Variants in DUS2 observed in about 807,000 individuals in gnomAD.
The protein encoded by DUS2 is dihydrouridine synthase 2, also known as tRNA-dihydrouridine(20) synthase [NAD(P)+]-like.
A neutral mutation model predicts 71.3 loss-of-function variants in DUS2; 52 were observed. That is an observed-to-expected ratio of 0.73 (90% confidence interval 0.58 to 0.92). The LOEUF is 0.92. Ranked by LOEUF, DUS2 falls within the 40% of genes least tolerant of loss-of-function variation. The pLI is 0.00. For synonymous variants in DUS2, 204 were observed against 227.8 expected (o/e 0.90, Z 0.94); for missense variants, 558 against 622.6 (o/e 0.90, Z 1.10).
chr16:68,061,004 C>G, intron 7 of DUS2, 62 bp from the exon 8 acceptor site: 1 of 1,547,858 alleles, frequency 6.5e-7, no homozygotes, highest in South Asian at 1.1e-5. Context: ...CAGACCCCAT[C>G]CCATGGAGAG....
chr16:68,033,352 T>C (rs1171180259), intron 2 of DUS2, among the ~76,000 whole-genome samples: 2 of 152,134 alleles, frequency 1.3e-5, no homozygotes, highest in African/African-American at 4.8e-5. Flanking sequence ...GAATGAGTAA[T>C]TGGGAGACTG....
chr16:68,042,757 G>A (rs535843080), intron 3 of DUS2, among the ~76,000 whole-genome samples: 4 of 151,866 alleles, frequency 2.6e-5, no homozygotes, highest in African/African-American at 9.7e-5. Flanking sequence ...CGCCCAGACT[G>A]GAGTGCCATG....
chr16:68,073,997 C>T, intron 12 of DUS2, 37 bp from the exon 13 acceptor site: 1 of 1,612,490 alleles, frequency 6.2e-7, no homozygotes, highest in South Asian at 1.1e-5. Context: ...GGCCTTAGAG[C>T]CTGCCTGGGC....
intron 13 of DUS2, among the ~76,000 whole-genome samples, chr16:68,074,546 C>T (rs532135259): frequency 6.6e-6 from 1 of 152,340 alleles, no homozygotes; most frequent in African/African-American, 2.4e-5. Context: ...CCTGTTGATT[C>T]TCTAGATCAG....
At chr16:68,078,214 G>A in intron 15 of DUS2, 1 of 566,928 alleles carries the variant, frequency 1.8e-6, no homozygotes, top group African/African-American at 1.9e-5. Flanking sequence ...GCAGCTAAGG[G>A]CTCTGCTGCG....
At chr16:68,067,743 T>G (rs908788497) in intron 10 of DUS2, among the ~76,000 whole-genome samples, 1 of 152,126 alleles carries the variant, frequency 6.6e-6, no homozygotes, top group Non-Finnish European at 1.5e-5. Context: ...CACTGCAGCC[T>G]CAAACTCCTG....
In DUS2 at chr16:68,066,332, G is replaced by A. The variant is rs2034004292; in HGVS notation, c.433G>A (p.Val145Ile). 12 of 1,614,226 alleles carry A rather than the reference G, an allele frequency of 7.4e-6. No individual in the cohort carries two copies. Among genetic ancestry groups the A allele is most frequent in the Admixed American group, 1.7e-5 (1 of 60,024 alleles). The change falls in exon 9 of 17, where the codon GTT becomes ATT. Residue 145 changes from valine to isoleucine, a missense_variant. Transcript: ENST00000565263. Reference protein sequence around the residue: ...DKIEKILSTLVKGTRRPVTCK... With the variant: ...DKIEKILSTLIKGTRRPVTCK... Reference sequence around the variant, plus strand: ...CTTTCTGCAGATCCTCAGCACTCTTGTTAAAGGGACACGCAGACCTGTGAC... The same window carrying A: ...CTTTCTGCAGATCCTCAGCACTCTTATTAAAGGGACACGCAGACCTGTGAC...
chr16:68,070,385 C>T (rs549616998), intron 11 of DUS2, among the ~76,000 whole-genome samples, 165 bp downstream of exon 11: 1 of 152,336 alleles, frequency 6.6e-6, no homozygotes, highest in African/African-American at 2.4e-5. Context: ...ACCTGAGACC[C>T]TCCCCTCTGC....
intron 12 of DUS2, among the ~76,000 whole-genome samples, chr16:68,071,841 G>C (rs1226388932): frequency 6.6e-6 from 1 of 152,114 alleles, no homozygotes. Flanking sequence ...GTCTCCCTAT[G>C]TTGCCCAGGC....
At chr16:68,053,518 C>T (rs370737783) in intron 4 of DUS2, 46 bp from the exon 5 acceptor site, 8 of 1,592,750 alleles carry the variant, frequency 5.0e-6, no homozygotes, top group Non-Finnish European at 6.0e-6. Flanking sequence ...TAGCGTTGAA[C>T]TTGCATCTTC....
intron 2 of DUS2, among the ~76,000 whole-genome samples, chr16:68,028,402 A>G (rs2033387722): frequency 6.6e-6 from 1 of 152,014 alleles, no homozygotes; most frequent in African/African-American, 2.4e-5. Flanking sequence ...TTGGGAGGCC[A>G]AGGCGGGTGA....
chr16:68,031,258 G>A (rs1233614378), intron 2 of DUS2, among the ~76,000 whole-genome samples: 1 of 151,976 alleles, frequency 6.6e-6, no homozygotes, highest in Non-Finnish European at 1.5e-5. Flanking sequence ...TCTGCCTCCC[G>A]GGTTCAAGCG....
rs542746117 is a variant in DUS2 at position 68,033,773 on chromosome 16, A to G, written c.-18-4233A>G. On this transcript the variant is annotated intron_variant, in intron 2 of 16. Transcript: ENST00000565263. Reference sequence around the variant, plus strand: ...CAGCCTCCTGAGTAGCTGGGATTACAGGCGCATGCCACCACGTCTGGCTAA... The same window carrying G: ...CAGCCTCCTGAGTAGCTGGGATTACGGGCGCATGCCACCACGTCTGGCTAA... Among the ~76,000 whole-genome samples, 9 of 151,594 alleles carry G rather than the reference A, an allele frequency of 5.9e-5. No homozygotes were observed. The South Asian group carries it at 1.9e-3, about 32-fold the overall frequency.
intron 7 of DUS2, among the ~76,000 whole-genome samples, chr16:68,058,078 T>C (rs1489363161): frequency 6.6e-6 from 1 of 151,668 alleles, no homozygotes; most frequent in Non-Finnish European, 1.5e-5. Context: ...GGCCTGGGGA[T>C]GAATATGAGG....
chr16:68,075,547 C>T, intron 14 of DUS2, 43 bp downstream of exon 14: 8 of 1,569,562 alleles, frequency 5.1e-6, no homozygotes, highest in Non-Finnish European at 6.9e-6. Context: ...GGGCCAGCAC[C>T]CTTGGGGTCC....
At chr16:68,061,207 G>C in intron 8 of DUS2, 94 bp downstream of exon 8, 2 of 1,315,532 alleles carry the variant, frequency 1.5e-6, no homozygotes, top group Non-Finnish European at 2.2e-6. Context: ...CAGATTTACT[G>C]ATGTCCACCC....
chr16:68,074,298 C>G, intron 13 of DUS2, 143 bp downstream of exon 13: 1 of 1,136,960 alleles, frequency 8.8e-7, no homozygotes, highest in South Asian at 1.5e-5. Context: ...TACAGCTTTG[C>G]CTCCCAGGAG....
intron 3 of DUS2, among the ~76,000 whole-genome samples, chr16:68,042,350 C>A (rs1001544165): frequency 1.3e-4 from 20 of 152,118 alleles, no homozygotes; most frequent in African/African-American, 4.8e-4. Context: ...CTCTTTGAGA[C>A]CCTGCTTTTA....
chr16:68,075,035 C>T (rs553920479), intron 13 of DUS2, among the ~76,000 whole-genome samples: 1 of 152,332 alleles, frequency 6.6e-6, no homozygotes, highest in African/African-American at 2.4e-5. Flanking sequence ...TTGGTTAACT[C>T]AGTCACGGCT....
Sources: allele counts gnomAD v4.1 joint callset (sites outside exome capture counted in the v4.1 genomes callset), GRCh38; gene constraint gnomAD v4.1.1; transcripts MANE v1.5; gene names NCBI Gene and HGNC (gene_info 2026-07-23, HGNC 2026-07-21).